Variants in SYTL2 observed in about 807,000 individuals in gnomAD.
The protein encoded by SYTL2 is synaptotagmin like 2.
In SYTL2, 165 loss-of-function variants were observed where a neutral mutation model predicts 198.7. The ratio of observed to expected loss-of-function variants is 0.83; its 90% CI spans 0.73 to 0.94. The LOEUF (loss-of-function observed/expected upper bound fraction) is 0.94, where lower values mean the gene tolerates loss of function less well. Ranked by LOEUF, SYTL2 falls within the 40% of genes least tolerant of loss-of-function variation. The pLI is 0.00. For missense variants in SYTL2, 2,835 were observed against 2,582.8 expected (o/e 1.10, Z -2.12); for synonymous variants, 966 against 917.7 (o/e 1.05, Z -0.95).
chr11:85,831,888 A>C, the SYTL2 span, among the ~76,000 whole-genome samples: 1 of 152,266 alleles, frequency 6.6e-6, no homozygotes, highest in African/African-American at 2.4e-5. Flanking sequence ...TGTACAACTT[A>C]ATAAATTTTG....
intron 1 of SYTL2, among the ~76,000 whole-genome samples, chr11:85,790,612 T>C (rs2092714436): frequency 1.3e-5 from 2 of 152,200 alleles, no homozygotes; most frequent in African/African-American, 2.4e-5. Flanking sequence ...GGTTCACCTG[T>C]ATTTCAAAGA....
At chr11:85,843,028 T>C in the SYTL2 span, among the ~76,000 whole-genome samples, 5 of 152,202 alleles carry the variant, frequency 3.3e-5, no homozygotes, top group East Asian at 1.9e-4. Context: ...AATCTGTCAA[T>C]AGACTGCTGA....
chr11:85,698,353 A>G (rs1306892872), intron 17 of SYTL2, among the ~76,000 whole-genome samples: 1 of 152,224 alleles, frequency 6.6e-6, no homozygotes, highest in East Asian at 1.9e-4. Flanking sequence ...TTGATTCAAC[A>G]AAATCAAACA....
intron 1 of SYTL2, among the ~76,000 whole-genome samples, chr11:85,763,766 G>A (rs571340569): frequency 1.6e-4 from 25 of 151,550 alleles, no homozygotes; most frequent in African/African-American, 5.1e-4. Context: ...GGAGAATGCC[G>A]CCAGACAAAA....
chr11:85,714,867 A>G (rs1565893556), intron 11 of SYTL2: 6 of 225,856 alleles, frequency 2.7e-5, no homozygotes, highest in Admixed American at 2.2e-4. Context: ...TTATTGGTTC[A>G]TCTCCTTGAG....
Position 85,745,617 on chromosome 11 carries a change from CCCCAGAA to C in SYTL2, c.389+13_389+19del, listed in dbSNP as rs1565971612. On this transcript the variant is annotated intron_variant, in intron 4 of 19. Coordinates refer to ENST00000359152, the MANE Select transcript of SYTL2 (RefSeq NM_206927.4). Reference sequence around the variant, plus strand: ...CATGAAAGCCACATGCAGCAGCTCTCCCCAGAAGCTTTGCCTTACCTCGGGCTTGCTG... The same window carrying C: ...CATGAAAGCCACATGCAGCAGCTCTCGCTTTGCCTTACCTCGGGCTTGCTG... 6.2e-7 allele frequency: 1 copy of C among 1,608,334 alleles called. No homozygotes were observed. Among genetic ancestry groups the C allele is most frequent in the Non-Finnish European group, 8.5e-7 (1 of 1,176,036 alleles).
In SYTL2 at chr11:85,720,920, TC is replaced by T; in HGVS notation, c.5365del (p.Glu1789LysfsTer13). On this transcript the variant is annotated frameshift_variant, in exon 9 of 20. Transcript: ENST00000359152. LOFTEE classifies it high-confidence loss of function. ...AGGCATTTTCCTAGCGGCACTCCTT[TC>T]CAAAGTTTTCAAAACAGGACTGGGT... ...EEPSPVLKTLERSAARKMPSK... is the reference protein window; with the variant it reads ...EEPSPVLKTLXRSAARKMPSK... The T allele has an allele frequency of 6.2e-7, 1 of 1,613,616 alleles. No homozygotes were observed. The highest frequency in any genetic ancestry group is 2.2e-5 in the East Asian group (1 of 44,852).
At chr11:85,809,028 G>A (rs761638653) in intron 1 of SYTL2, among the ~76,000 whole-genome samples, 1 of 152,178 alleles carries the variant, frequency 6.6e-6, no homozygotes, top group Non-Finnish European at 1.5e-5. Flanking sequence ...GCCCAAAGAG[G>A]AGAAACACCT....
intron 1 of SYTL2, among the ~76,000 whole-genome samples, chr11:85,758,946 T>C (rs919323897): frequency 1.3e-5 from 2 of 152,122 alleles, no homozygotes; most frequent in Non-Finnish European, 2.9e-5. Context: ...TAAAAACCTT[T>C]AGTAAATTTT....
intron 8 of SYTL2, among the ~76,000 whole-genome samples, chr11:85,722,225 C>T (rs182057149): frequency 7.7e-6 from 1 of 130,264 alleles, no homozygotes; most frequent in Non-Finnish European, 1.5e-5. Context: ...GTAGCCCAGG[C>T]TGGAGTGCAG....
chr11:85,715,407 C>A (rs1386336918), intron 11 of SYTL2, among the ~76,000 whole-genome samples: 2 of 151,826 alleles, frequency 1.3e-5, no homozygotes, highest in African/African-American at 2.4e-5. Context: ...ATTTTCTAAT[C>A]TAATAAATAT....
Position 85,734,171 on chromosome 11 carries a change from T to C in SYTL2, c.1158A>G (p.Gln386=). 1.9e-6 allele frequency: 3 copies of C among 1,614,190 alleles called. No homozygotes were observed. The highest frequency in any genetic ancestry group is 2.5e-6 in the Non-Finnish European group (3 of 1,180,004). The change falls in exon 7 of 20, where the codon CAA becomes CAG. Residue 386 remains glutamine, a synonymous_variant. Coordinates refer to ENST00000359152, the MANE Select transcript of SYTL2 (RefSeq NM_206927.4). Reference sequence around the variant, plus strand: ...GATGAAAAAGCGAAGGCTTTCTGTATTGAGAAGGCTTAGGGTCACTCTGAA... The same window carrying C: ...GATGAAAAAGCGAAGGCTTTCTGTACTGAGAAGGCTTAGGGTCACTCTGAA... ...EEFQSDPKPS[Q]YRKPSLFHQS... is the part of the protein sequence containing the mutation.
At chr11:85,781,961 G>A (rs1050729781) in intron 1 of SYTL2, among the ~76,000 whole-genome samples, 6 of 152,150 alleles carry the variant, frequency 3.9e-5, no homozygotes, top group Non-Finnish European at 5.9e-5. Context: ...ACCATTCTGG[G>A]GTCTGGAGGA....
At chr11:85,807,491 G>A (rs2092973559) in intron 1 of SYTL2, among the ~76,000 whole-genome samples, 1 of 152,192 alleles carries the variant, frequency 6.6e-6, no homozygotes, top group African/African-American at 2.4e-5. Context: ...TGGTAAGTGA[G>A]GATAGAATTT....
chr11:85,701,145 G>A (rs2084238517), intron 16 of SYTL2, among the ~76,000 whole-genome samples: 1 of 152,174 alleles, frequency 6.6e-6, no homozygotes, highest in African/African-American at 2.4e-5. Context: ...AGTACACGTT[G>A]AATATTCCTT....
At chr11:85,801,324 A>G (rs2092883493) in intron 1 of SYTL2, among the ~76,000 whole-genome samples, 1 of 152,236 alleles carries the variant, frequency 6.6e-6, no homozygotes, top group South Asian at 2.1e-4. Context: ...TCATTTTGCC[A>G]GAAACACACC....
Position 85,724,552 on chromosome 11 carries a change from G to A in SYTL2, c.4806C>T (p.Thr1602=), listed in dbSNP as rs571545488. The A allele has an allele frequency of 1.3e-4, 217 of 1,613,926 alleles. No individual in the cohort carries two copies. Among genetic ancestry groups the A allele is most frequent in the Middle Eastern group, 8.2e-4 (5 of 6,062 alleles). The stretch of plus-strand genomic sequence containing the variant: ...AATGGGGCACTGTCCCCAAGAACCT[G>A]GTCTGCTCTGACTGTGAGGACTCCT... ...HEKESSQSEQ[T]RFLGTVPHFY... Residue 1602 remains threonine, a synonymous_variant, in exon 8 of 20, where the codon ACC becomes ACT. Coordinates refer to ENST00000359152, the MANE Select transcript of SYTL2 (RefSeq NM_206927.4).
intron 8 of SYTL2, among the ~76,000 whole-genome samples, chr11:85,723,668 A>G (rs1002048241): frequency 1.3e-5 from 2 of 152,222 alleles, no homozygotes; most frequent in Non-Finnish European, 2.9e-5. Flanking sequence ...GTATTTTTTG[A>G]AACCTAAAAG....
At chr11:85,700,269 C>T (rs528985323) in intron 17 of SYTL2, among the ~76,000 whole-genome samples, 8 of 151,004 alleles carry the variant, frequency 5.3e-5, no homozygotes, top group Non-Finnish European at 1.2e-4. Flanking sequence ...ATATACTTAG[C>T]ACTACTAAGC....
Sources: allele counts gnomAD v4.1 joint callset (sites outside exome capture counted in the v4.1 genomes callset), GRCh38; gene constraint gnomAD v4.1.1; transcripts MANE v1.5; gene names NCBI Gene and HGNC (gene_info 2026-07-23, HGNC 2026-07-21).